The following SDK1 variants were observed in gnomAD, a reference collection of about 807,000 sequenced individuals.
The protein encoded by SDK1 is sidekick cell adhesion molecule 1, also known as protein sidekick-1.
SDK1 carries 157 observed loss-of-function variants against 245.5 expected under a neutral mutation model. The ratio of observed to expected loss-of-function variants is 0.64; its 90% CI spans 0.56 to 0.73. The LOEUF is 0.73. Ranked by LOEUF, SDK1 falls within the 30% of genes least tolerant of loss-of-function variation. SDK1 has a pLI of 0.00. For missense variants in SDK1, 3,583 were observed against 3,002.3 expected, an observed-to-expected ratio of 1.19 and a Z score of -4.52; for synonymous variants, 1,647 against 1,278.5, an observed-to-expected ratio of 1.29 and a Z score of -6.15.
intron 20 of SDK1, among the ~76,000 whole-genome samples, chr7:4,068,470 C>G (rs1398834778): frequency 6.6e-6 from 1 of 152,116 alleles, no homozygotes; most frequent in Non-Finnish European, 1.5e-5. Context: ...CCTCGTCCCA[C>G]AGCTGTGAGC....
In SDK1 at chr7:4,267,681, G is replaced by A; in HGVS notation, c.*2297G>A. Reference sequence around the variant, plus strand: ...TGTTGAGACGTCTTAGGTTGAGGATGAGCAGATTCGAGATATGTTTGTTGC... The same window carrying A: ...TGTTGAGACGTCTTAGGTTGAGGATAAGCAGATTCGAGATATGTTTGTTGC... On this transcript the variant is annotated 3_prime_UTR_variant, in exon 45 of 45. Transcript: ENST00000404826. The A allele has an allele frequency of 1.0e-6, 1 of 985,476 alleles. No individual in the cohort carries two copies. Among genetic ancestry groups the A allele is most frequent in the Non-Finnish European group, 1.2e-6 (1 of 829,946 alleles). The allele number at this position is 985,476 out of a possible 1,614,324, so 61.0% of individuals were successfully genotyped here.
chr7:4,252,392 A>T (rs1450652900), intron 44 of SDK1, among the ~76,000 whole-genome samples: 1 of 151,996 alleles, frequency 6.6e-6, no homozygotes, highest in East Asian at 1.9e-4. Context: ...TGAATTCATC[A>T]TTTTTTATGG....
At chr7:4,055,824 C>G (rs1447222461) in intron 19 of SDK1, among the ~76,000 whole-genome samples, 1 of 152,026 alleles carries the variant, frequency 6.6e-6, no homozygotes, top group African/African-American at 2.4e-5. Flanking sequence ...TTTTGACACT[C>G]TATGCTTTCA....
chr7:3,420,897 T>C (rs1371062787), intron 1 of SDK1, among the ~76,000 whole-genome samples: 1 of 152,174 alleles, frequency 6.6e-6, no homozygotes. Context: ...ATCCTGATGC[T>C]CTCTGTCCTT....
At chr7:4,178,427 T>C in intron 34 of SDK1, 58 bp from the exon 35 acceptor site, 1 of 1,298,106 alleles carries the variant, frequency 7.7e-7, no homozygotes, top group Non-Finnish European at 1.1e-6. Context: ...GGGGGAACTT[T>C]GGAGAAAGAG....
chr7:3,578,134 T>G (rs963145850), intron 1 of SDK1, among the ~76,000 whole-genome samples: 1 of 152,088 alleles, frequency 6.6e-6, no homozygotes, highest in African/African-American at 2.4e-5. Flanking sequence ...CAACATAGGT[T>G]CTTTCTATTT....
chr7:4,221,380 C>G lies in SDK1; in HGVS notation c.5827+16C>G. ...CGGCCCTCAGGTAGGGTGGCAGGCC[C>G]CACAAACGGGGTCTCAGCCCAGCGG... On this transcript the variant is annotated intron_variant, in intron 40 of 44. Coordinates refer to ENST00000404826, the MANE Select transcript of SDK1 (RefSeq NM_152744.4). 1 of 1,595,508 alleles carries G rather than the reference C, an allele frequency of 6.3e-7. No individual in the cohort carries two copies. Among genetic ancestry groups the G allele is most frequent in the South Asian group, 1.1e-5 (1 of 88,472 alleles).
In SDK1 at chr7:3,576,245, C is replaced by A. The variant is rs147042224; in HGVS notation, c.299-42835C>A. On this transcript the variant is annotated intron_variant, in intron 1 of 44. Coordinates refer to ENST00000404826, the MANE Select transcript of SDK1 (RefSeq NM_152744.4). ...CAGACTTCTCTTTTATGCTCATCAC[C>A]CCCAAATAGGCTCCTTGGCGTCACC... Among the ~76,000 whole-genome samples, 9 of 152,202 alleles carry A rather than the reference C, an allele frequency of 5.9e-5. No homozygotes were observed. The East Asian group carries it at 1.5e-3, about 26-fold the overall frequency.
At position 3,639,043 on chromosome 7, in the gene SDK1, T is replaced by G; in HGVS notation, c.498T>G (p.Phe166Leu). ...CTTTGCAGAAGCTCGATGCTGGGTTTTACCGCTGCGTGGTGCGAAACAGAA... is the reference window on the plus strand; with the variant it reads ...CTTTGCAGAAGCTCGATGCTGGGTTGTACCGCTGCGTGGTGCGAAACAGAA... Reference protein sequence around the residue: ...IPSLQKLDAGFYRCVVRNRMG... With the variant: ...IPSLQKLDAGLYRCVVRNRMG... Residue 166 changes from phenylalanine (F) to leucine (L), a missense_variant, in exon 3 of 45, where the codon TTT (phenylalanine) becomes TTG (leucine). Phe to Leu is a conservative substitution (Grantham distance 22, BLOSUM62 0). Transcript: ENST00000404826. The G allele has an allele frequency of 6.2e-7, 1 of 1,606,294 alleles. No individual in the cohort carries two copies. The highest frequency in any genetic ancestry group is 8.5e-7 in the Non-Finnish European group (1 of 1,174,212).
chr7:3,519,250 A>C (rs766888875), intron 1 of SDK1, among the ~76,000 whole-genome samples: 3 of 152,176 alleles, frequency 2.0e-5, no homozygotes, highest in Non-Finnish European at 4.4e-5. Flanking sequence ...TATCATTAAC[A>C]ATGATTATGG....
intron 1 of SDK1, among the ~76,000 whole-genome samples, chr7:3,602,190 C>T (rs1182549417): frequency 2.0e-5 from 3 of 151,842 alleles, no homozygotes; most frequent in Non-Finnish European, 2.9e-5. Flanking sequence ...TGGGTATATA[C>T]CCAGTAATGG....
intron 42 of SDK1, among the ~76,000 whole-genome samples, chr7:4,241,456 G>T (rs957884488): frequency 4.9e-4 from 74 of 152,266 alleles, no homozygotes; most frequent in African/African-American, 1.7e-3. Context: ...GCAACGTAGC[G>T]AGACCCCATC....
intron 35 of SDK1, among the ~76,000 whole-genome samples, chr7:4,191,743 C>G (rs1187282008): frequency 6.6e-6 from 1 of 152,222 alleles, no homozygotes. Flanking sequence ...AGTGGCAGAG[C>G]TCAGGGTGGA....
chr7:3,710,781 C>G (rs1337752187), intron 4 of SDK1, among the ~76,000 whole-genome samples: 2 of 152,204 alleles, frequency 1.3e-5, no homozygotes, highest in African/African-American at 2.4e-5. Context: ...CCGTGTATGT[C>G]TTGGAAAATT....
chr7:3,605,626 C>A (rs887344246), intron 1 of SDK1, among the ~76,000 whole-genome samples: 1 of 151,984 alleles, frequency 6.6e-6, no homozygotes. Flanking sequence ...ATTTAATTTT[C>A]CTTTTTTTTT....
chr7:3,959,517 G>A lies in SDK1; in HGVS notation c.1234+503G>A, dbSNP rs10247068. On this transcript the variant is annotated intron_variant, in intron 8 of 44. Transcript: ENST00000404826. ...GTGGTGAAGCCAAAGCTGGGAGTGCGTCCGTCACTGGAGTGATGTACCCTG... is the reference window on the plus strand; with the variant it reads ...GTGGTGAAGCCAAAGCTGGGAGTGCATCCGTCACTGGAGTGATGTACCCTG... Among the ~76,000 whole-genome samples, 759 of 152,246 alleles carry A rather than the reference G, an allele frequency of 5.0e-3. 8 individuals are homozygous for A. The highest frequency in any genetic ancestry group is 0.017 in the African/African-American group (711 of 41,548).
At chr7:4,248,391 A>G (rs1787049581) in intron 44 of SDK1, among the ~76,000 whole-genome samples, 2 of 151,750 alleles carry the variant, frequency 1.3e-5, no homozygotes, top group Non-Finnish European at 2.9e-5. Context: ...AAATACACAT[A>G]TGCACACATA....
intron 5 of SDK1, among the ~76,000 whole-genome samples, chr7:3,928,605 C>G (rs1030624763): frequency 1.3e-5 from 2 of 149,162 alleles, no homozygotes; most frequent in Non-Finnish European, 3.0e-5. Flanking sequence ...ACTTGTGGGA[C>G]TTGAACTCAA....
intron 19 of SDK1, among the ~76,000 whole-genome samples, chr7:4,066,405 T>C (rs562856319): frequency 6.6e-6 from 1 of 152,186 alleles, no homozygotes; most frequent in Non-Finnish European, 1.5e-5. Flanking sequence ...ACTTAGGGAA[T>C]GGGAGTGCAC....
Sources: gnomAD v4.1 joint callset for allele counts (sites outside exome capture counted in the v4.1 genomes callset) on GRCh38, gnomAD v4.1.1 for gene constraint, MANE v1.5 for transcripts, NCBI Gene and HGNC (gene_info 2026-07-23, HGNC 2026-07-21) for gene names.